The following AIM2 variants were observed in gnomAD, a reference collection of about 807,000 sequenced individuals.
AIM2 encodes absent in melanoma 2, also known as interferon-inducible protein AIM2.
AIM2 carries 30 observed loss-of-function variants against 27.7 expected under a neutral mutation model. That is an observed-to-expected ratio of 1.08 (90% CI 0.81 to 1.47). AIM2 has a LOEUF of 1.47. Among genes scored for constraint, AIM2 ranks in the 40% most tolerant of loss-of-function variants. The pLI is 0.00. For synonymous variants in AIM2, 141 were observed against 145.3 expected, an observed-to-expected ratio of 0.97 and a Z score of 0.21; for missense variants, 358 against 411.3, an observed-to-expected ratio of 0.87 and a Z score of 1.12.
At chr1:159,113,241 G>A in intron 1 of AIM2, among the ~76,000 whole-genome samples, 1 of 152,090 alleles carries the variant, frequency 6.6e-6, no homozygotes, top group East Asian at 1.9e-4. Context: ...ACTGCACCCG[G>A]CCCAAATCTA....
At chr1:159,122,724 C>T (rs959500162) in intron 1 of AIM2, among the ~76,000 whole-genome samples, 2 of 152,160 alleles carry the variant, frequency 1.3e-5, no homozygotes, top group African/African-American at 4.8e-5. Flanking sequence ...TGTGAAGTCA[C>T]CTGCAGAAGG....
chr1:159,127,318 T>C (rs1011528607), intron 1 of AIM2, among the ~76,000 whole-genome samples: 3 of 152,264 alleles, frequency 2.0e-5, no homozygotes, highest in Non-Finnish European at 2.9e-5. Flanking sequence ...AACCCAAATG[T>C]GCACGGGGCC....
At chr1:159,099,185 C>T (rs112329104) in intron 1 of AIM2, among the ~76,000 whole-genome samples, 27 of 151,968 alleles carry the variant, frequency 1.8e-4, no homozygotes, top group Non-Finnish European at 7.4e-5. Context: ...GACAGGTGGA[C>T]TAATACACAC....
chr1:159,134,515 T>C (rs923886269), intron 1 of AIM2, among the ~76,000 whole-genome samples: 2 of 152,218 alleles, frequency 1.3e-5, no homozygotes, highest in African/African-American at 4.8e-5. Context: ...TCACTCTCTA[T>C]TGTGAAACCA....
intron 1 of AIM2, among the ~76,000 whole-genome samples, chr1:159,102,141 C>A (rs912031545): frequency 2.6e-5 from 4 of 152,210 alleles, no homozygotes; most frequent in African/African-American, 7.2e-5. Flanking sequence ...TGCATCCCAG[C>A]TGCTTCAGCT....
chr1:159,058,477 C>T (rs1655725273), downstream of AIM2, among the ~76,000 whole-genome samples: 1 of 152,064 alleles, frequency 6.6e-6, no homozygotes, highest in South Asian at 2.1e-4. Context: ...GTATCCCAGC[C>T]CCAGCAGGGA....
chr1:159,126,153 T>G (rs1284172160), intron 1 of AIM2, among the ~76,000 whole-genome samples: 1 of 152,182 alleles, frequency 6.6e-6, no homozygotes, highest in Non-Finnish European at 1.5e-5. Context: ...CTGAACACAT[T>G]CATGTGATGA....
chr1:159,056,717 CAAAAAAAAAAAA>C, the AIM2 span, among the ~76,000 whole-genome samples: 4,234 of 44,362 alleles, frequency 0.095, 116 homozygotes, highest in Middle Eastern at 0.18. Flanking sequence ...GCCCAACCGG[CAAAAAAAAAAAA>C]AAAAAAAAAA....
chr1:159,097,174 ATTCC>A (rs1324215064), intron 1 of AIM2, among the ~76,000 whole-genome samples: 1 of 151,896 alleles, frequency 6.6e-6, no homozygotes, highest in African/African-American at 2.4e-5. Flanking sequence ...GAGACCTGAC[ATTCC>A]TTACTAGCCA....
At chr1:159,062,122 A>G (rs182015330), downstream of AIM2, among the ~76,000 whole-genome samples, 28 of 152,236 alleles carry the variant, frequency 1.8e-4, no homozygotes, top group East Asian at 4.1e-3. Flanking sequence ...AATAGACTGT[A>G]AATGTGCAAG....
upstream of AIM2, among the ~76,000 whole-genome samples, chr1:159,077,991 G>C (rs1321000569): frequency 6.6e-6 from 1 of 152,198 alleles, no homozygotes; most frequent in Non-Finnish European, 1.5e-5. Flanking sequence ...GCATGCTCAA[G>C]ATGCTCAAGG....
chr1:159,105,428 C>A (rs1657417626), intron 1 of AIM2, among the ~76,000 whole-genome samples: 1 of 152,154 alleles, frequency 6.6e-6, no homozygotes, highest in Non-Finnish European at 1.5e-5. Flanking sequence ...CATGTTTCTG[C>A]CCTGTTTGTG....
intron 1 of AIM2, among the ~76,000 whole-genome samples, chr1:159,090,416 A>G (rs1435393637): frequency 6.6e-6 from 1 of 152,256 alleles, no homozygotes; most frequent in Non-Finnish European, 1.5e-5. Context: ...TAATACATGA[A>G]TTTAAAGTCC....
intron 1 of AIM2, among the ~76,000 whole-genome samples, chr1:159,089,273 C>A (rs188773132): frequency 3.0e-4 from 46 of 152,254 alleles, no homozygotes; most frequent in South Asian, 8.3e-4. Flanking sequence ...AAAATAGAGG[C>A]TTAGCGGTGT....
intron 1 of AIM2, among the ~76,000 whole-genome samples, chr1:159,084,554 T>C (rs1216661317): frequency 2.0e-5 from 3 of 152,066 alleles, no homozygotes; most frequent in Admixed American, 2.0e-4. Flanking sequence ...GGGGAATCGC[T>C]TGAAGCCAGG....
chr1:159,144,700 A>G (rs570636940), upstream of AIM2, among the ~76,000 whole-genome samples: 1 of 152,208 alleles, frequency 6.6e-6, no homozygotes, highest in Non-Finnish European at 1.5e-5. Flanking sequence ...CCTCTAATTG[A>G]ATACCACTTT....
At chr1:159,141,204 T>C (rs1648104657), upstream of AIM2, among the ~76,000 whole-genome samples, 1 of 152,190 alleles carries the variant, frequency 6.6e-6, no homozygotes, top group South Asian at 2.1e-4. Context: ...AGGAAGGTGT[T>C]ACCTCAGAGG....
intron 1 of AIM2, among the ~76,000 whole-genome samples, chr1:159,098,998 G>A (rs976191642): frequency 3.3e-5 from 3 of 90,166 alleles, no homozygotes; most frequent in African/African-American, 6.8e-5. Flanking sequence ...AAGCTTCATG[G>A]TTGTGTGATT....
upstream of AIM2, among the ~76,000 whole-genome samples, chr1:159,142,675 C>T (rs2102060870): frequency 6.6e-6 from 1 of 152,266 alleles, no homozygotes; most frequent in Admixed American, 6.5e-5. Context: ...ATATAAAGAC[C>T]TCTATACCCA....
Sources: gnomAD v4.1 joint callset for allele counts (sites outside exome capture counted in the v4.1 genomes callset) on GRCh38, gnomAD v4.1.1 for gene constraint, MANE v1.5 for transcripts, NCBI Gene and HGNC (gene_info 2026-07-23, HGNC 2026-07-21) for gene names.